DLG1: variants seen among roughly 807,000 people sequenced by gnomAD.
The protein encoded by DLG1 is disks large homolog 1.
Under a neutral mutation model 123.4 loss-of-function variants are expected in DLG1, and 42 were observed. The observed-to-expected ratio is 0.34, with a 90% CI of 0.27 to 0.44. DLG1 has a LOEUF of 0.44. Among genes scored for constraint, DLG1 ranks in the 20% least tolerant of loss-of-function variants. The pLI, the probability that DLG1 is intolerant of heterozygous loss-of-function variation, is 1.00. For synonymous variants in DLG1, 317 were observed against 356.2 expected, an observed-to-expected ratio of 0.89 and a Z score of 1.24; for missense variants, 942 against 1,082.6, an observed-to-expected ratio of 0.87 and a Z score of 1.82.
At chr3:197,264,831 A>G (rs777290136) in intron 4 of DLG1, among the ~76,000 whole-genome samples, 1 of 152,234 alleles carries the variant, frequency 6.6e-6, no homozygotes, top group Non-Finnish European at 1.5e-5. Context: ...TCTGGTCCCA[A>G]GTATTTTGGA....
At position 197,219,252 on chromosome 3, in the gene DLG1, T is replaced by C. The variant is rs150871446; in HGVS notation, c.319-24663A>G. Among the ~76,000 whole-genome samples the C allele has an allele frequency of 1.5e-3, 232 of 152,286 alleles. 1 individual carries two copies. Among genetic ancestry groups the C allele is most frequent in the Non-Finnish European group, 2.7e-3 (184 of 68,020 alleles). ...ATGTTTCTTCTTTGGTAGTAGCAAA[T>C]AGGCATAGGGTGGCCAAATTGAGAA... is the stretch of plus-strand genomic sequence containing the variant. On this transcript the variant is annotated intron_variant, in intron 4 of 24. Transcript: ENST00000667157.
intron 23 of DLG1, among the ~76,000 whole-genome samples, chr3:197,059,499 CTG>C (rs1176596106): frequency 1.3e-5 from 2 of 152,146 alleles, no homozygotes; most frequent in Non-Finnish European, 2.9e-5. Context: ...GCCTCACATT[CTG>C]TGTTTCTATT....
intron 4 of DLG1, among the ~76,000 whole-genome samples, chr3:197,279,829 C>T (rs1741950): frequency 0.92 from 140,464 of 152,288 alleles, 64,842 homozygotes; most frequent in East Asian, 0.94. Context: ...GTCCACTTTT[C>T]CAATCTTAAA....
chr3:197,138,926 C>T (rs1485734284), intron 8 of DLG1, among the ~76,000 whole-genome samples: 3 of 152,030 alleles, frequency 2.0e-5, no homozygotes, highest in Non-Finnish European at 4.4e-5. Context: ...GCTCACATCA[C>T]GAGTTTAAGG....
intron 5 of DLG1, among the ~76,000 whole-genome samples, chr3:197,190,715 A>G (rs1243320426): frequency 6.6e-6 from 1 of 152,170 alleles, no homozygotes; most frequent in Non-Finnish European, 1.5e-5. Flanking sequence ...GATGGCTGCT[A>G]AAAGGGTTTT....
intron 23 of DLG1, among the ~76,000 whole-genome samples, chr3:197,056,462 T>C (rs9859364): frequency 0.12 from 17,574 of 152,212 alleles, 1,321 homozygotes; most frequent in African/African-American, 0.21. Flanking sequence ...GGTTTGGGTA[T>C]CAAATTAATG....
chr3:197,227,627 A>G (rs1421696758), intron 4 of DLG1, among the ~76,000 whole-genome samples: 2 of 152,240 alleles, frequency 1.3e-5, no homozygotes, highest in African/African-American at 4.8e-5. Flanking sequence ...GCTATACACC[A>G]GAAACAGCGT....
intron 4 of DLG1, among the ~76,000 whole-genome samples, chr3:197,196,919 A>T (rs772076937): frequency 3.3e-5 from 5 of 152,226 alleles, no homozygotes; most frequent in Non-Finnish European, 4.4e-5. Flanking sequence ...TGTATGTATC[A>T]TTATATATGT....
At chr3:197,219,087 G>A (rs919146802) in intron 4 of DLG1, among the ~76,000 whole-genome samples, 3 of 151,580 alleles carry the variant, frequency 2.0e-5, no homozygotes, top group African/African-American at 7.3e-5. Context: ...GCCGAGATGC[G>A]CCACTGCACT....
intron 4 of DLG1, among the ~76,000 whole-genome samples, chr3:197,244,922 AACTG>A (rs1750863499): frequency 6.6e-6 from 1 of 152,136 alleles, no homozygotes; most frequent in Admixed American, 6.5e-5. Flanking sequence ...GCTCTTGAGA[AACTG>A]ACTTTTAGTT....
At chr3:197,255,684 A>T (rs1430554624) in intron 4 of DLG1, among the ~76,000 whole-genome samples, 2 of 152,200 alleles carry the variant, frequency 1.3e-5, no homozygotes, top group Non-Finnish European at 2.9e-5. Flanking sequence ...ACAGTAACAC[A>T]GATACTGAGT....
intron 4 of DLG1, among the ~76,000 whole-genome samples, chr3:197,219,516 G>A (rs547979797): frequency 6.6e-6 from 1 of 152,226 alleles, no homozygotes; most frequent in South Asian, 2.1e-4. Flanking sequence ...TAAAGCCCTG[G>A]CTCTCCCTTT....
At chr3:197,198,276 T>C (rs768658656) in intron 4 of DLG1, among the ~76,000 whole-genome samples, 7 of 151,940 alleles carry the variant, frequency 4.6e-5, no homozygotes, top group Non-Finnish European at 8.8e-5. Flanking sequence ...GATCACGAGG[T>C]CAGGAGTTCG....
At chr3:197,174,708 T>G (rs1806081130) in intron 5 of DLG1, among the ~76,000 whole-genome samples, 2 of 152,198 alleles carry the variant, frequency 1.3e-5, no homozygotes, top group African/African-American at 4.8e-5. Flanking sequence ...CCTACCAAGA[T>G]TAGTCAGATT....
chr3:197,183,618 T>C, intron 5 of DLG1: 1 of 1,550,514 alleles, frequency 6.4e-7, no homozygotes, highest in Middle Eastern at 1.7e-4. Context: ...AATAAAGCTG[T>C]GTCTTCGAGT....
intron 5 of DLG1, among the ~76,000 whole-genome samples, chr3:197,169,822 T>C (rs1561208355): frequency 6.6e-6 from 1 of 152,168 alleles, no homozygotes; most frequent in Non-Finnish European, 1.5e-5. Flanking sequence ...TAAACTTGTG[T>C]CACTGGGATT....
intron 4 of DLG1, among the ~76,000 whole-genome samples, chr3:197,221,705 G>A (rs1168975735): frequency 6.6e-6 from 1 of 152,030 alleles, no homozygotes; most frequent in Non-Finnish European, 1.5e-5. Flanking sequence ...AAATTAATCC[G>A]ACTTCAGTAA....
chr3:197,066,503 A>G (rs1224980924), intron 20 of DLG1, among the ~76,000 whole-genome samples: 1 of 152,182 alleles, frequency 6.6e-6, no homozygotes, highest in Non-Finnish European at 1.5e-5. Context: ...CACAAATATA[A>G]AAGTCAGTAT....
intron 1 of DLG1, chr3:197,297,831 TG>T: frequency 1.0e-6 from 1 of 985,228 alleles, no homozygotes; most frequent in African/African-American, 1.7e-5. Flanking sequence ...CGCTCGGAAC[TG>T]GGGTGCGCCC....
Sources: gnomAD v4.1 joint callset for allele counts (sites outside exome capture counted in the v4.1 genomes callset) on GRCh38, gnomAD v4.1.1 for gene constraint, MANE v1.5 for transcripts, NCBI Gene and HGNC (gene_info 2026-07-23, HGNC 2026-07-21) for gene names.